Variants in SPTA1 observed in about 807,000 individuals in gnomAD.
The protein encoded by SPTA1 is spectrin alpha, erythrocytic 1, also known as spectrin alpha chain, erythrocytic 1.
In SPTA1, 177 loss-of-function variants were observed where a neutral mutation model predicts 324.7. The observed-to-expected ratio is 0.55, with a 90% CI of 0.48 to 0.62. SPTA1 has a LOEUF of 0.62. Ranked by LOEUF, SPTA1 falls within the 20% of genes least tolerant of loss-of-function variation. The probability of loss-of-function intolerance (pLI) is 0.00; values close to 1 mark genes in which losing one functional copy is unlikely to be tolerated. For synonymous variants in SPTA1, 1,195 were observed against 1,041.3 expected (o/e 1.15, Z -2.84); for missense variants, 3,162 against 2,883.6 (o/e 1.10, Z -2.21).
chr1:158,656,427 A>AT (rs1557965423), intron 20 of SPTA1, 137 bp downstream of exon 20: 1 of 801,860 alleles, frequency 1.2e-6, no homozygotes. Flanking sequence ...CAGTTCCTGC[A>AT]TACAAGGGTC....
intron 39 of SPTA1, among the ~76,000 whole-genome samples, chr1:158,634,300 TCA>T (rs1218357490): frequency 1.3e-5 from 2 of 152,342 alleles, no homozygotes; most frequent in Non-Finnish European, 2.9e-5. Context: ...CACAGACAGA[TCA>T]CAGATTATGG....
Position 158,685,128 on chromosome 1 carries a change from C to T in SPTA1, c.244G>A (p.Glu82Lys), listed in dbSNP as rs1354772766. 1 of 1,613,684 alleles carries T rather than the reference C, an allele frequency of 6.2e-7. No homozygotes were observed. The highest frequency in any genetic ancestry group is 1.7e-5 in the Admixed American group (1 of 59,936). ...KVNILTDKSY[E>K]DPTNIQGKYQ... Reference sequence around the variant, plus strand: ...GTGACCTGTATATTAGTTGGGTCTTCATAGCTCTTATCGGTTAAGATATTG... The same window carrying T: ...GTGACCTGTATATTAGTTGGGTCTTTATAGCTCTTATCGGTTAAGATATTG... Residue 82 changes from glutamate (E) to lysine (K), a missense_variant, in exon 2 of 52, where the codon GAA becomes AAA. By Grantham distance (56) the Glu-to-Lys change is moderately conservative. Transcript: ENST00000643759.
At chr1:158,645,720 GC>G (rs1323274680) in intron 27 of SPTA1, 126 bp from the exon 28 acceptor site, 31 of 982,976 alleles carry the variant, frequency 3.2e-5, no homozygotes, top group Non-Finnish European at 5.0e-5. Flanking sequence ...GGCTTTATAT[GC>G]TTTACAGATC....
At chr1:158,667,127 A>G (rs1040635920) in intron 15 of SPTA1, among the ~76,000 whole-genome samples, 1 of 152,076 alleles carries the variant, frequency 6.6e-6, no homozygotes, top group Non-Finnish European at 1.5e-5. Flanking sequence ...ACCAAGTTTG[A>G]TTTTGTTTTT....
intron 3 of SPTA1, among the ~76,000 whole-genome samples, chr1:158,682,527 G>A (rs1654885229): frequency 6.6e-6 from 1 of 152,058 alleles, no homozygotes; most frequent in Admixed American, 6.6e-5. Context: ...TTTAAAATAA[G>A]ATTCTATTCT....
intron 43 of SPTA1, 169 bp downstream of exon 43, chr1:158,622,814 A>G: frequency 1.5e-6 from 1 of 673,856 alleles, no homozygotes; most frequent in Non-Finnish European, 2.5e-6. Context: ...AAATTTTTAA[A>G]GCTTCTTTTC....
intron 26 of SPTA1, 125 bp from the exon 27 acceptor site, chr1:158,647,845 A>G: frequency 9.8e-7 from 1 of 1,022,202 alleles, no homozygotes; most frequent in South Asian, 1.6e-5. Context: ...GTATGTCATC[A>G]TACTTTACAA....
chr1:158,678,469 G>T lies in SPTA1; in HGVS notation c.744C>A (p.Arg248=). 2.5e-6 allele frequency: 4 copies of T among 1,613,768 alleles called. No homozygotes were observed. Among genetic ancestry groups the T allele is most frequent in the Non-Finnish European group, 3.4e-6 (4 of 1,179,782 alleles). The change falls in exon 6 of 52, where the codon CGC becomes CGA. Residue 248 remains arginine (R), a synonymous_variant. Transcript: ENST00000643759. Reference sequence around the variant, plus strand: ...GTCTCTGGAGAGCCAAACCACGAAGGCGCTCCCAGGCAGCATTCACCTCAT... The same window carrying T: ...GTCTCTGGAGAGCCAAACCACGAAGTCGCTCCCAGGCAGCATTCACCTCAT... The part of the protein sequence containing the change: ...KQNEVNAAWE[R]LRGLALQRQK...
chr1:158,627,825 A>G (rs1270530052), intron 39 of SPTA1, 102 bp from the exon 40 acceptor site: 4 of 1,180,614 alleles, frequency 3.4e-6, no homozygotes, highest in African/African-American at 1.5e-5. Flanking sequence ...GGTTGATTCA[A>G]TGAAATTGGC....
chr1:158,666,947 G>A (rs1223552580), intron 15 of SPTA1, among the ~76,000 whole-genome samples: 1 of 152,120 alleles, frequency 6.6e-6, no homozygotes, highest in Non-Finnish European at 1.5e-5. Context: ...CTTAGTGCCT[G>A]TCTTTCATCA....
At chr1:158,631,003 G>A (rs1650638084) in intron 39 of SPTA1, among the ~76,000 whole-genome samples, 1 of 151,906 alleles carries the variant, frequency 6.6e-6, no homozygotes, top group African/African-American at 2.4e-5. Flanking sequence ...TGTGGTAAAC[G>A]GGACACTCTT....
Position 158,651,401 on chromosome 1 carries a change from C to A in SPTA1, c.3443G>T (p.Gly1148Val). The stretch of plus-strand genomic sequence containing the variant: ...TTGAGCTCCTTCTGGTGTTAGAAGT[C>A]CTTCAAATAGTAGATCATCAGCTAC... Reference protein sequence around the residue: ...NKVADDLLFEGLLTPEGAQIR... With the variant: ...NKVADDLLFEVLLTPEGAQIR... The change falls in exon 24 of 52, where the codon GGA becomes GTA. Residue 1148 changes from glycine to valine, a missense_variant. By Grantham distance (109) the Gly-to-Val change is moderately radical (BLOSUM62 -3). Coordinates refer to ENST00000643759, the MANE Select transcript of SPTA1 (RefSeq NM_003126.4). 1.2e-6 allele frequency: 2 copies of A among 1,613,926 alleles called. No homozygotes were observed. Among genetic ancestry groups the A allele is most frequent in the South Asian group, 2.2e-5 (2 of 91,066 alleles).
At chr1:158,665,256 G>C (rs1172070943) in intron 16 of SPTA1, among the ~76,000 whole-genome samples, 1 of 152,124 alleles carries the variant, frequency 6.6e-6, no homozygotes, top group Non-Finnish European at 1.5e-5. Flanking sequence ...TCTCCGGGTA[G>C]ATTTCAGAGC....
chr1:158,622,933 C>T, intron 43 of SPTA1, 50 bp downstream of exon 43: 1 of 1,486,938 alleles, frequency 6.7e-7, no homozygotes, highest in Non-Finnish European at 9.4e-7. Flanking sequence ...AATTTCATGG[C>T]TAATATACAG....
intron 22 of SPTA1, among the ~76,000 whole-genome samples, chr1:158,653,040 G>C (rs1160734115): frequency 6.6e-6 from 1 of 152,204 alleles, no homozygotes; most frequent in Non-Finnish European, 1.5e-5. Context: ...CAGGGAATCA[G>C]AAGAGCTCTG....
Position 158,642,463 on chromosome 1 carries a change from C to A in SPTA1, c.4685G>T (p.Gly1562Val), listed in dbSNP as rs763995335. The change falls in exon 33 of 52, where the codon GGG becomes GTG. Residue 1562 changes from glycine (G) to valine (V), a missense_variant. Gly to Val is a moderately radical substitution (Grantham distance 109). Transcript: ENST00000643759. The part of the protein sequence containing the change: ...SEQVHGVINL[G>V]NSLIECSACD... Reference sequence around the variant, plus strand: ...AGCGCTACACTCAATCAGGGAGTTCCCCAGGTTGATGACGCCATGCACCTG... The same window carrying A: ...AGCGCTACACTCAATCAGGGAGTTCACCAGGTTGATGACGCCATGCACCTG... 3 of 1,613,540 alleles carry A rather than the reference C, an allele frequency of 1.9e-6. No homozygotes were observed. Among genetic ancestry groups the A allele is most frequent in the African/African-American group, 2.7e-5 (2 of 74,864 alleles).
intron 7 of SPTA1, 76 bp from the exon 8 acceptor site, chr1:158,676,371 A>AT: frequency 6.9e-7 from 1 of 1,448,314 alleles, no homozygotes; most frequent in Non-Finnish European, 9.6e-7. Flanking sequence ...TGGGAGAGGT[A>AT]TAAAAAATCA....
At chr1:158,638,011 T>G (rs759953778) in intron 36 of SPTA1, 22 bp downstream of exon 36, 2 of 1,611,976 alleles carry the variant, frequency 1.2e-6, no homozygotes, top group East Asian at 4.5e-5. Flanking sequence ...TATCCACACA[T>G]TTTTGAGCTG....
chr1:158,681,355 TG>T (rs1161733804), intron 4 of SPTA1, among the ~76,000 whole-genome samples, 171 bp downstream of exon 4: 1 of 152,124 alleles, frequency 6.6e-6, no homozygotes, highest in Non-Finnish European at 1.5e-5. Context: ...TTCCATACAA[TG>T]TTGACCTCCA....
Sources: gnomAD v4.1 joint callset for allele counts (sites outside exome capture counted in the v4.1 genomes callset) on GRCh38, gnomAD v4.1.1 for gene constraint, MANE v1.5 for transcripts, NCBI Gene and HGNC (gene_info 2026-07-23, HGNC 2026-07-21) for gene names.